The following ELAC2 variants were observed in gnomAD, a reference collection of about 807,000 sequenced individuals.
ELAC2 encodes the protein zinc phosphodiesterase ELAC protein 2.
ELAC2 carries 92 observed loss-of-function variants against 105.2 expected under a neutral mutation model. The ratio of observed to expected loss-of-function variants is 0.87; its 90% CI spans 0.74 to 1.04. The LOEUF (loss-of-function observed/expected upper bound fraction) is 1.04, where lower values mean the gene tolerates loss of function less well. Ranked by LOEUF, ELAC2 falls within the 50% of genes least tolerant of loss-of-function variation. ELAC2 has a pLI of 0.00. For missense variants in ELAC2, 1,099 were observed against 1,071.7 expected (o/e 1.03, Z -0.36); for synonymous variants, 468 against 409.1 (o/e 1.14, Z -1.74).
intron 2 of ELAC2, 27 bp downstream of exon 2, chr17:13,017,044 C>A (rs2041773563): frequency 6.2e-6 from 10 of 1,613,918 alleles, no homozygotes; most frequent in South Asian, 1.1e-5. Context: ...AATCAACTCC[C>A]CCTCCGAAAG....
At chr17:13,006,269 C>G (rs1458521903) in intron 8 of ELAC2, 1 of 405,858 alleles carries the variant, frequency 2.5e-6, no homozygotes, top group African/African-American at 2.0e-5. Context: ...ACTCAGGAAG[C>G]TGAGGCAGGA....
intron 8 of ELAC2, among the ~76,000 whole-genome samples, chr17:13,008,594 G>C (rs1268685337): frequency 6.6e-6 from 1 of 152,184 alleles, no homozygotes; most frequent in Non-Finnish European, 1.5e-5. Flanking sequence ...ATGGAGATAT[G>C]TTCCTCTCTG....
At position 12,992,259 on chromosome 17, in the gene ELAC2, G is replaced by A. The variant is rs1194190963; in HGVS notation, c.*559C>T. 5 of 240,078 alleles carry A rather than the reference G, an allele frequency of 2.1e-5. No individual in the cohort carries two copies. Among genetic ancestry groups the A allele is most frequent in the East Asian group, 5.9e-5 (1 of 16,878 alleles). The allele number at this position is 240,078 out of a possible 1,614,324, so 14.9% of individuals were successfully genotyped here. On this transcript the variant is annotated 3_prime_UTR_variant, in exon 24 of 24. Transcript: ENST00000338034. ...AGGTTCCAGAGGTGCTCACTACGAC[G>A]GGAGCTGACTTCTTCCAAGCCACCC...
At chr17:12,997,428 A>G (rs1678841667) in intron 16 of ELAC2, among the ~76,000 whole-genome samples, 1 of 152,206 alleles carries the variant, frequency 6.6e-6, no homozygotes, top group African/African-American at 2.4e-5. Context: ...CGGTGCTAAG[A>G]CATTACCTTC....
At position 12,994,852 on chromosome 17, in the gene ELAC2, A is replaced by G. The variant is rs762829185; in HGVS notation, c.1941T>C (p.His647=). The change falls in exon 21 of 24, where the codon CAT becomes CAC. Residue 647 remains histidine (H), a synonymous_variant. Transcript: ENST00000338034. ...FQTCLVRHCK[H]AFGCALVHTS... is the part of the protein sequence containing the mutation. ...TGTGCACCAGCGCACAGCCAAACGC[A>G]TGCTTGCAGTGCCGCACCAGACAGG... 1.2e-6 allele frequency: 2 copies of G among 1,614,088 alleles called. No homozygotes were observed. The highest frequency in any genetic ancestry group is 1.1e-5 in the South Asian group (1 of 91,084).
rs2040177504 is a variant in ELAC2 at position 12,991,859 on chromosome 17, ACTT to A, written c.*956_*958del. Among the ~76,000 whole-genome samples, 1 of 149,110 alleles carries A rather than the reference ACTT, an allele frequency of 6.7e-6. No individual in the cohort carries two copies. Among genetic ancestry groups the A allele is most frequent in the Non-Finnish European group, 1.5e-5 (1 of 66,744 alleles). On this transcript the variant is annotated 3_prime_UTR_variant, in exon 24 of 24. Transcript: ENST00000338034. ...AATACTAGATTCAACTTACTTACTT[ACTT>A]ACTTACTTTACTTACTTACTTCCTT...
In ELAC2 at chr17:13,013,272, A is replaced by C; in HGVS notation, c.494T>G (p.Val165Gly). ...SGPLKGIELA[V>G]RPHSAPEYED... ...GTATTCTGGGGCAGAGTGGGGCCGC[A>C]CAGCTACAAGAAAACCACACAACAG... is the stretch of plus-strand genomic sequence containing the variant. Residue 165 changes from valine to glycine, a missense_variant, in exon 6 of 24, where the codon GTG becomes GGG. Physicochemically the swap from Val to Gly is moderately radical, Grantham distance 109. Transcript: ENST00000338034. 6.2e-7 allele frequency: 1 copy of C among 1,614,122 alleles called. No individual in the cohort carries two copies. The highest frequency in any genetic ancestry group is 8.5e-7 in the Non-Finnish European group (1 of 1,180,024).
At chr17:13,006,300 C>T (rs2041103935) in intron 8 of ELAC2, 4 of 368,418 alleles carry the variant, frequency 1.1e-5, no homozygotes, top group East Asian at 1.3e-4. Flanking sequence ...AACCCAGAGG[C>T]GGATGTTGCA....
In ELAC2 at chr17:12,992,602, C is replaced by G; in HGVS notation, c.*216G>C. 1 of 596,308 alleles carries G rather than the reference C, an allele frequency of 1.7e-6. No homozygotes were observed. The highest frequency in any genetic ancestry group is 2.1e-5 in the South Asian group (1 of 48,692). 36.9% of individuals were successfully genotyped at this position (596,308 alleles called of 1,614,324 possible). Reference sequence around the variant, plus strand: ...TCTGCTTGCTTCCGTGTGGCAGCCTCCTGGCCCGCGGCTGTGCCAGGCACC... The same window carrying G: ...TCTGCTTGCTTCCGTGTGGCAGCCTGCTGGCCCGCGGCTGTGCCAGGCACC... On this transcript the variant is annotated 3_prime_UTR_variant, in exon 24 of 24. Coordinates refer to ENST00000338034, the MANE Select transcript of ELAC2 (RefSeq NM_018127.7).
chr17:12,995,940 C>T lies in ELAC2; in HGVS notation c.1698G>A (p.Leu566=). 3.1e-6 allele frequency: 5 copies of T among 1,595,354 alleles called. No individual in the cohort carries two copies. Among genetic ancestry groups the T allele is most frequent in the Non-Finnish European group, 4.3e-6 (5 of 1,169,502 alleles). ...AACGCCCATCAAGTGCCACACTTAC[C>T]AAGGCGCGTTCTCTCTGCAGCAAGA... ...PSILLQRERA[L]ASLGKPLHPL... The change falls in exon 18 of 24, where the codon TTG becomes TTA. Residue 566 remains leucine, a splice_region_variant and synonymous_variant. Coordinates refer to ENST00000338034, the MANE Select transcript of ELAC2 (RefSeq NM_018127.7).
chr17:12,999,721 C>T (rs1026421779), intron 15 of ELAC2, among the ~76,000 whole-genome samples: 5 of 152,090 alleles, frequency 3.3e-5, no homozygotes, highest in South Asian at 2.1e-4. Flanking sequence ...CGCAGTGGCA[C>T]GACCTTGGCT....
rs2040178600 is a variant in ELAC2 at position 12,991,862 on chromosome 17, T to TACTTA, written c.*951_*955dup. 7.9e-6 allele frequency among the ~76,000 whole-genome samples: 1 copy of TACTTA among 126,926 alleles called. No homozygotes were observed. 83.3% of individuals were successfully genotyped at this position (126,926 alleles called of 152,430 possible). A position where few individuals can be genotyped will look rare whatever the true frequency, so the allele number is the denominator to read the frequency against. On this transcript the variant is annotated 3_prime_UTR_variant, in exon 24 of 24. Coordinates refer to ENST00000338034, the MANE Select transcript of ELAC2 (RefSeq NM_018127.7). ...ACTAGATTCAACTTACTTACTTACT[T>TACTTA]ACTTACTTTACTTACTTACTTCCTT...
At chr17:13,007,217 A>T (rs1417878066) in intron 8 of ELAC2, among the ~76,000 whole-genome samples, 1 of 152,148 alleles carries the variant, frequency 6.6e-6, no homozygotes. Flanking sequence ...GAAAAAAAAA[A>T]TTTCACACAA....
At chr17:13,003,878 T>A (rs1458638287) in intron 11 of ELAC2, 2 of 377,770 alleles carry the variant, frequency 5.3e-6, no homozygotes, top group Non-Finnish European at 1.0e-5. Context: ...GGGTCCAACC[T>A]GCAAAGCCAG....
At chr17:13,012,445 G>A (rs2041470355) in intron 6 of ELAC2, among the ~76,000 whole-genome samples, 1 of 152,186 alleles carries the variant, frequency 6.6e-6, no homozygotes, top group Admixed American at 6.5e-5. Flanking sequence ...CAGGCAATGG[G>A]AGTGCTGATC....
chr17:12,995,587 T>A (rs146059304), intron 19 of ELAC2, 116 bp downstream of exon 19: 5 of 1,008,766 alleles, frequency 5.0e-6, no homozygotes, highest in South Asian at 2.7e-5. Context: ...TCTGGGACCA[T>A]GTCAAGGGCA....
At chr17:12,995,838 C>T in intron 18 of ELAC2, 26 bp from the exon 19 acceptor site, 24 of 1,595,874 alleles carry the variant, frequency 1.5e-5, no homozygotes, top group Non-Finnish European at 2.0e-5. Context: ...CAAGTGCCGA[C>T]TCGACGACAG....
chr17:13,007,081 A>G (rs2041149836), intron 8 of ELAC2, among the ~76,000 whole-genome samples: 1 of 151,858 alleles, frequency 6.6e-6, no homozygotes, highest in Admixed American at 6.6e-5. Flanking sequence ...ACTGCACTCC[A>G]GCCTGGGCGA....
chr17:12,996,750 T>A, intron 16 of ELAC2, 65 bp from the exon 17 acceptor site: 1 of 1,588,256 alleles, frequency 6.3e-7, no homozygotes, highest in Non-Finnish European at 8.6e-7. Context: ...CAGAGGCTGA[T>A]GTCTGCTTTG....
Sources: gnomAD v4.1 joint callset for allele counts (sites outside exome capture counted in the v4.1 genomes callset) on GRCh38, gnomAD v4.1.1 for gene constraint, MANE v1.5 for transcripts, NCBI Gene and HGNC (gene_info 2026-07-23, HGNC 2026-07-21) for gene names.